Variants in AGAP1 observed in about 807,000 individuals in gnomAD.
The protein encoded by AGAP1 is arf-GAP with GTPase, ANK repeat and PH domain-containing protein 1.
AGAP1 carries 29 observed loss-of-function variants against 105.3 expected under a neutral mutation model. That is an observed-to-expected ratio of 0.28 (90% CI 0.21 to 0.38). The LOEUF is 0.38. Ranked by LOEUF, AGAP1 falls within the 10% of genes least tolerant of loss-of-function variation. The pLI is 1.00. For synonymous variants in AGAP1, 509 were observed against 485.9 expected (o/e 1.05, Z -0.63); for missense variants, 998 against 1,165.1 (o/e 0.86, Z 2.09).
rs368495213 is a variant in AGAP1, at chr2:235,801,073, C to T, written c.957+1551C>T. ...CATTGGATGCTCATGACTGCGGAGG[C>T]GGTTGCCAGCTGCACACACCCCCTC... On this transcript the variant is annotated intron_variant, in intron 8 of 17. Transcript: ENST00000304032. The surrounding 1 kb of genome is among the most constrained non-coding windows in gnomAD (Gnocchi z 6.0). Among the ~76,000 whole-genome samples, 6 of 152,126 alleles carry T rather than the reference C, an allele frequency of 3.9e-5. No homozygotes were observed. Among genetic ancestry groups the T allele is most frequent in the African/African-American group, 7.2e-5 (3 of 41,424 alleles).
chr2:235,924,764 T>G (rs937799140), intron 11 of AGAP1, among the ~76,000 whole-genome samples: 5 of 152,174 alleles, frequency 3.3e-5, no homozygotes, highest in African/African-American at 1.2e-4. Context: ...ATGTGTTTAA[T>G]AAGAGCACGT....
At chr2:235,645,505 G>A (rs929749780) in intron 1 of AGAP1, among the ~76,000 whole-genome samples, 17 of 152,190 alleles carry the variant, frequency 1.1e-4, no homozygotes, top group African/African-American at 4.1e-4. Context: ...GTTGGAAAGA[G>A]ATGCTTCTGC....
rs11419586 is a variant in AGAP1 at position 235,665,058 on chromosome 2, CAA to C, written c.164-44115_164-44114del. 1.3e-5 allele frequency among the ~76,000 whole-genome samples: 2 copies of C among 152,026 alleles called. No individual in the cohort carries two copies. Among genetic ancestry groups the C allele is most frequent in the Non-Finnish European group, 2.9e-5 (2 of 68,018 alleles). On this transcript the variant is annotated intron_variant, in intron 1 of 17. Transcript: ENST00000304032. This position sits in a 1 kb window ranked among gnomAD's most constrained non-coding sequence, Gnocchi z 5.3. ...CAACATGGCAAGACCCTCCTCTCTA[CAA>C]AAAAATTTAAAAATTAGCCAGGGGT...
rs10202205 is a variant in AGAP1, at chr2:235,700,805, C to G, written c.164-8374C>G. Among the ~76,000 whole-genome samples the G allele has an allele frequency of 0.077, 11,465 of 149,854 alleles. 1,433 individuals are homozygous for G. The highest frequency in any genetic ancestry group is 0.26 in the African/African-American group (10,642 of 40,894). On this transcript the variant is annotated intron_variant, in intron 1 of 17. Coordinates refer to ENST00000304032, the MANE Select transcript of AGAP1 (RefSeq NM_001037131.3). This position sits in a 1 kb window ranked among gnomAD's most constrained non-coding sequence, Gnocchi z 6.1. ...ACAAAGCGAGAATCTGTCTCTGTCTCTCTCTCTCTCTCTCTGTGTATATAT... is the reference window on the plus strand; with the variant it reads ...ACAAAGCGAGAATCTGTCTCTGTCTGTCTCTCTCTCTCTCTGTGTATATAT...
chr2:235,542,816 G>T (rs1429172903), intron 1 of AGAP1, among the ~76,000 whole-genome samples: 1 of 152,148 alleles, frequency 6.6e-6, no homozygotes, highest in East Asian at 1.9e-4. Context: ...TGGTGCTTCA[G>T]CCTCCAGCAC....
In AGAP1 at chr2:236,040,910, G is replaced by A. The variant is rs942167580; in HGVS notation, c.1891+69G>A. 1.3e-5 allele frequency: 19 copies of A among 1,482,886 alleles called. No individual in the cohort carries two copies. The highest frequency in any genetic ancestry group is 1.7e-4 in the Middle Eastern group (1 of 5,792). The allele number at this position is 1,482,886 out of a possible 1,614,324, so 91.9% of individuals were successfully genotyped here. On this transcript the variant is annotated intron_variant, in intron 15 of 17. Transcript: ENST00000304032. This position sits in a 1 kb window ranked among gnomAD's most constrained non-coding sequence, Gnocchi z 5.6. ...GAGACCACATGGTCCCACTAGGCCC[G>A]GGTTGCAGGGGACTCACATCTGTCC...
chr2:235,997,669 T>G (rs780113192), intron 13 of AGAP1, among the ~76,000 whole-genome samples: 7 of 152,180 alleles, frequency 4.6e-5, no homozygotes, highest in Non-Finnish European at 1.0e-4. Flanking sequence ...TTTTGAGAGC[T>G]TCTCAGCCAC....
At chr2:235,770,699 G>T (rs992067348) in intron 6 of AGAP1, among the ~76,000 whole-genome samples, 2 of 142,140 alleles carry the variant, frequency 1.4e-5, no homozygotes, top group Non-Finnish European at 3.1e-5. Context: ...TAGAAAAGCT[G>T]GTGGATTTTG....
Position 235,869,139 on chromosome 2 carries a change from G to C in AGAP1, c.1051-14206G>C, listed in dbSNP as rs1424361883. ...ACAAACAAGTTAAAATTTGTCTGGT[G>C]GGTGAAATGGTTTGCAGGGAGGCAG... is the stretch of plus-strand genomic sequence containing the variant. On this transcript the variant is annotated intron_variant, in intron 9 of 17. Coordinates refer to ENST00000304032, the MANE Select transcript of AGAP1 (RefSeq NM_001037131.3). 3.3e-5 allele frequency among the ~76,000 whole-genome samples: 5 copies of C among 152,260 alleles called. No individual in the cohort carries two copies. The East Asian group carries it at 9.7e-4, about 29-fold the overall frequency.
At chr2:235,703,020 C>T (rs1187044242) in intron 1 of AGAP1, among the ~76,000 whole-genome samples, 2 of 147,176 alleles carry the variant, frequency 1.4e-5, no homozygotes, top group African/African-American at 2.5e-5. Context: ...CTCCACCTCC[C>T]GGGTTTAAGC....
At position 235,578,846 on chromosome 2, in the gene AGAP1, C is replaced by G. The variant is rs899825443; in HGVS notation, c.163+83997C>G. On this transcript the variant is annotated intron_variant, in intron 1 of 17. Transcript: ENST00000304032. The surrounding 1 kb of genome is among the most constrained non-coding windows in gnomAD (Gnocchi z 4.9). ...ATTTAAATAAACATTTGTGTATAGC[C>G]CAATAGTTTTTCACTGTTGAGGGTC... Among the ~76,000 whole-genome samples the G allele has an allele frequency of 6.6e-6, 1 of 151,524 alleles. No homozygotes were observed. The highest frequency in any genetic ancestry group is 1.5e-5 in the Non-Finnish European group (1 of 67,910).
In AGAP1 at chr2:235,740,334, G is replaced by A. The variant is rs775575192; in HGVS notation, c.311-629G>A. On this transcript the variant is annotated intron_variant, in intron 3 of 17. Transcript: ENST00000304032. The surrounding 1 kb of genome is among the most constrained non-coding windows in gnomAD (Gnocchi z 5.7). ...GTCCCGGTGGTCTCCCGCTAACCCC[G>A]CGTGGTCTCTAACGCCTCCTGTCAG... Among the ~76,000 whole-genome samples the A allele has an allele frequency of 5.3e-5, 8 of 151,858 alleles. No individual in the cohort carries two copies. The East Asian group carries it at 1.4e-3, about 26-fold the overall frequency.
rs1375169294 is a variant in AGAP1, at chr2:236,020,449, T to C, written c.1646-16112T>C. Among the ~76,000 whole-genome samples the C allele has an allele frequency of 2.1e-4, 32 of 152,218 alleles. No homozygotes were observed. Among genetic ancestry groups the C allele is most frequent in the Admixed American group, 2.1e-3 (32 of 15,288 alleles). ...ACCCTCCTGCTTCCATTTGCTGTCA[T>C]CTGAGAAGAATCGTCAGTTGTAGAA... On this transcript the variant is annotated intron_variant, in intron 13 of 17. Transcript: ENST00000304032. The surrounding 1 kb of genome is among the most constrained non-coding windows in gnomAD (Gnocchi z 5.0).
At chr2:235,704,139 A>G (rs979164913) in intron 1 of AGAP1, among the ~76,000 whole-genome samples, 1 of 152,216 alleles carries the variant, frequency 6.6e-6, no homozygotes, top group African/African-American at 2.4e-5. Flanking sequence ...AGGTGGGAGA[A>G]GCAGGGCTCA....
At chr2:236,088,866 C>T (rs779476508) in intron 16 of AGAP1, among the ~76,000 whole-genome samples, 10 of 152,266 alleles carry the variant, frequency 6.6e-5, no homozygotes, top group Non-Finnish European at 1.2e-4. Flanking sequence ...TCATTCCTCA[C>T]GAGTGCTCAG....
chr2:235,958,272 C>T lies in AGAP1; in HGVS notation c.1484-10190C>T, dbSNP rs1575885383. Among the ~76,000 whole-genome samples, 1 of 152,184 alleles carries T rather than the reference C, an allele frequency of 6.6e-6. No homozygotes were observed. The highest frequency in any genetic ancestry group is 1.9e-4 in the East Asian group (1 of 5,158). On this transcript the variant is annotated intron_variant, in intron 12 of 17. Transcript: ENST00000304032. The surrounding 1 kb of genome is among the most constrained non-coding windows in gnomAD (Gnocchi z 4.1). ...TGGTTGGAGGTGTTTCTGGAGGGCC[C>T]TGTACTCCCTGAAATCCAGGCTCCA... is the stretch of plus-strand genomic sequence containing the variant.
chr2:236,047,348 G>T (rs1312626345), intron 15 of AGAP1, among the ~76,000 whole-genome samples: 3 of 152,038 alleles, frequency 2.0e-5, no homozygotes, highest in Non-Finnish European at 2.9e-5. Flanking sequence ...GAGAGGCACA[G>T]GCGAGGAGGG....
At position 235,620,826 on chromosome 2, in the gene AGAP1, G is replaced by T. The variant is rs1946455045; in HGVS notation, c.164-88353G>T. 6.6e-6 allele frequency among the ~76,000 whole-genome samples: 1 copy of T among 152,204 alleles called. No homozygotes were observed. Among genetic ancestry groups the T allele is most frequent in the South Asian group, 2.1e-4 (1 of 4,836 alleles). ...CAAGTGAATGAGTGATCCTGAGTTT[G>T]CTCTGGTTTCCTTCTAGTTGTGGGA... On this transcript the variant is annotated intron_variant, in intron 1 of 17. Transcript: ENST00000304032. This position sits in a 1 kb window ranked among gnomAD's most constrained non-coding sequence, Gnocchi z 4.5.
intron 12 of AGAP1, among the ~76,000 whole-genome samples, chr2:235,966,250 C>T (rs906752403): frequency 7.2e-5 from 10 of 138,828 alleles, no homozygotes; most frequent in East Asian, 2.2e-4. Context: ...GAGGGGAGTC[C>T]GTTCCTCTGG....
Sources: allele counts gnomAD v4.1 joint callset (sites outside exome capture counted in the v4.1 genomes callset), GRCh38; gene constraint gnomAD v4.1.1; non-coding constraint Gnocchi (gnomAD v3.1); transcripts MANE v1.5; gene names NCBI Gene and HGNC (gene_info 2026-07-23, HGNC 2026-07-21).